ATP7A: variants seen among roughly 807,000 people sequenced by gnomAD.
The protein encoded by ATP7A is ATPase copper transporting alpha, also known as copper-transporting ATPase 1.
Under a neutral mutation model 83.5 loss-of-function variants are expected in ATP7A, and 7 were observed. The observed-to-expected ratio is 0.08, with a 90% CI of 0.05 to 0.16. The LOEUF (loss-of-function observed/expected upper bound fraction) is 0.16, where lower values mean the gene tolerates loss of function less well. Ranked by LOEUF, ATP7A falls within the 10% of genes least tolerant of loss-of-function variation. ATP7A has a pLI of 1.00. For missense variants in ATP7A, 940 were observed against 1,120.8 expected (o/e 0.84, Z 2.30); for synonymous variants, 354 against 395.2 (o/e 0.90, Z 1.24).
chrX:77,933,665 A>C (rs2077302575), intron 1 of ATP7A, among the ~76,000 whole-genome samples: 1 of 112,175 alleles, frequency 8.9e-6, no homozygotes, highest in African/African-American at 3.2e-5. Flanking sequence ...AATTTTATTA[A>C]TATTTTAAAT....
At chrX:77,979,310 C>T (rs1557230667) in intron 2 of ATP7A, among the ~76,000 whole-genome samples, 1 of 111,363 alleles carries the variant, frequency 9.0e-6, no homozygotes, top group African/African-American at 3.3e-5. Flanking sequence ...TTTGCCCAAA[C>T]ATAATTTATA....
At chrX:77,956,048 C>T (rs919504334) in intron 1 of ATP7A, among the ~76,000 whole-genome samples, 6 of 110,924 alleles carry the variant, frequency 5.4e-5, no homozygotes, top group East Asian at 5.6e-4. Flanking sequence ...TATCCATTGT[C>T]GGACATGGAT....
At chrX:77,937,305 G>T (rs1557225118) in intron 1 of ATP7A, among the ~76,000 whole-genome samples, 1 of 112,514 alleles carries the variant, frequency 8.9e-6, no homozygotes. Context: ...GGAAATACCA[G>T]TTGTTGGCAA....
intron 1 of ATP7A, among the ~76,000 whole-genome samples, chrX:77,954,516 G>A (rs1557227135): frequency 8.9e-6 from 1 of 111,937 alleles, no homozygotes; most frequent in African/African-American, 3.2e-5. Context: ...GTTGTTTGAT[G>A]AAAGAAATTA....
intron 19 of ATP7A, among the ~76,000 whole-genome samples, chrX:78,041,575 T>C (rs782513801): frequency 1.8e-5 from 2 of 110,466 alleles, no homozygotes; most frequent in Non-Finnish European, 3.8e-5. Flanking sequence ...GCACCCGGCC[T>C]ATTAACACCT....
intron 5 of ATP7A, among the ~76,000 whole-genome samples, chrX:78,002,075 T>G (rs1330788697): frequency 1.7e-5 from 1 of 57,762 alleles, no homozygotes; most frequent in African/African-American, 7.6e-5. Context: ...CCTTTCTCTA[T>G]TTTTTTTTTT....
At position 78,015,786 on chromosome X, in the gene ATP7A, G is replaced by A. The variant is rs367775730; in HGVS notation, c.2531G>A (p.Arg844His). 146 of 1,209,817 alleles carry A rather than the reference G, an allele frequency of 1.2e-4. 1 individual carries two copies. Among genetic ancestry groups the A allele is most frequent in the Non-Finnish European group, 5.0e-5 (45 of 894,916 alleles). The change falls in exon 12 of 23, where the codon CGT becomes CAT. Residue 844 changes from arginine to histidine, a missense_variant. Physicochemically the swap from Arg to His is conservative, Grantham distance 29. Coordinates refer to ENST00000341514, the MANE Select transcript of ATP7A (RefSeq NM_000052.7). ...EEQVDVELVQ[R>H]GDIIKVVPGG... ...CAAGTGGATGTGGAACTTGTACAAC[G>A]TGGAGATATCATTAAAGTAGTTCCA...
At chrX:78,043,474 T>C in intron 21 of ATP7A, 40 bp downstream of exon 21, 1 of 1,034,666 alleles carries the variant, frequency 9.7e-7, no homozygotes, top group Non-Finnish European at 1.4e-6. Context: ...TCCACTAAAG[T>C]TATTAGAGAC....
At chrX:77,999,834 G>A (rs1012717386) in intron 5 of ATP7A, among the ~76,000 whole-genome samples, 19 of 108,207 alleles carry the variant, frequency 1.8e-4, no homozygotes, top group African/African-American at 6.4e-4. Flanking sequence ...AACCTGAGAG[G>A]CGGAGGTTGC....
intron 1 of ATP7A, among the ~76,000 whole-genome samples, chrX:77,938,947 A>G (rs1181435193): frequency 8.9e-6 from 1 of 112,172 alleles, no homozygotes; most frequent in African/African-American, 3.2e-5. Context: ...TCTACTGAAT[A>G]TATGGAATAT....
Position 77,989,860 on chromosome X carries a change from C to T in ATP7A, c.1238C>T (p.Ala413Val). The T allele has an allele frequency of 2.5e-6, 3 of 1,210,158 alleles. No individual in the cohort carries two copies. The highest frequency in any genetic ancestry group is 3.4e-6 in the Non-Finnish European group (3 of 894,381). ...GTAAAATCCATACGAGTCTCCCTTG[C>T]AAATAGCAATGGGACTGTTGAGTAT... ...PGVKSIRVSL[A>V]NSNGTVEYDP... is the part of the protein sequence containing the mutation. The change falls in exon 4 of 23, where the codon GCA becomes GTA. Residue 413 changes from alanine to valine, a missense_variant. By Grantham distance (64) the Ala-to-Val change is moderately conservative (BLOSUM62 0). This residue lies in a region of ATP7A where 350 missense variants were observed against 432.8 expected (regional missense o/e 0.81). Coordinates refer to ENST00000341514, the MANE Select transcript of ATP7A (RefSeq NM_000052.7).
rs1413043733 is a variant in ATP7A, at chrX:77,989,586, A to G, written c.964A>G (p.Asn322Asp). The change falls in exon 4 of 23, where the codon AAT becomes GAT. Residue 322 changes from asparagine (N) to aspartate (D), a missense_variant. Physicochemically the swap from Asn to Asp is conservative, Grantham distance 23. Transcript: ENST00000341514. ...GAATAGGTCTGCCATTGTGAAGTAT[A>G]ATGCAAGCTCAGTCACTCCAGAATC... Reference protein sequence around the residue: ...LENRSAIVKYNASSVTPESLR... With the variant: ...LENRSAIVKYDASSVTPESLR... 3 of 1,210,156 alleles carry G rather than the reference A, an allele frequency of 2.5e-6. No individual in the cohort carries two copies. Among genetic ancestry groups the G allele is most frequent in the Non-Finnish European group, 3.4e-6 (3 of 895,228 alleles).
At chrX:77,941,406 T>G (rs1321885350) in intron 1 of ATP7A, among the ~76,000 whole-genome samples, 2 of 111,540 alleles carry the variant, frequency 1.8e-5, no homozygotes, top group African/African-American at 6.5e-5. Flanking sequence ...CTTAAAATTT[T>G]TTTTTCTTTT....
chrX:77,960,271 A>T (rs1289849633), intron 1 of ATP7A, among the ~76,000 whole-genome samples: 2 of 112,013 alleles, frequency 1.8e-5, no homozygotes, highest in Non-Finnish European at 3.8e-5. Flanking sequence ...AGTCCCAGCT[A>T]CTCAGGAGGC....
intron 14 of ATP7A, among the ~76,000 whole-genome samples, chrX:78,023,401 G>A (rs971497657): frequency 1.8e-5 from 2 of 112,458 alleles, no homozygotes; most frequent in Non-Finnish European, 3.8e-5. Context: ...AGGTTGAACT[G>A]ATTTACATTC....
chrX:77,932,765 T>C (rs1557224670), intron 1 of ATP7A, among the ~76,000 whole-genome samples: 1 of 112,085 alleles, frequency 8.9e-6, no homozygotes, highest in Non-Finnish European at 1.9e-5. Flanking sequence ...ACCAGTCAGG[T>C]GTGGCAGCGC....
chrX:78,009,737 C>G (rs891185595), intron 7 of ATP7A, among the ~76,000 whole-genome samples: 2 of 112,007 alleles, frequency 1.8e-5, no homozygotes, highest in Non-Finnish European at 3.8e-5. Context: ...AGGGCACAAT[C>G]ACTTGAGGCC....
intron 1 of ATP7A, among the ~76,000 whole-genome samples, chrX:77,929,636 CTTTTTTT>C (rs782018510): frequency 2.1e-5 from 2 of 96,414 alleles, no homozygotes; most frequent in Non-Finnish European, 4.2e-5. Flanking sequence ...TTTTCTTTTT[CTTTTTTT>C]TTTTTTTTGA....
chrX:78,015,724 A>G (rs782041427), intron 11 of ATP7A, 30 bp from the exon 12 acceptor site: 2 of 1,208,774 alleles, frequency 1.7e-6, no homozygotes, highest in African/African-American at 3.5e-5. Flanking sequence ...GCATATTATC[A>G]TGGTGCTTTT....
Sources: allele counts gnomAD v4.1 joint callset (sites outside exome capture counted in the v4.1 genomes callset), GRCh38; gene constraint gnomAD v4.1.1; regional missense constraint gnomAD v4.1.1; transcripts MANE v1.5; gene names NCBI Gene and HGNC (gene_info 2026-07-23, HGNC 2026-07-21).